Variants in TMC1 observed in about 807,000 individuals in gnomAD.
TMC1 encodes transmembrane channel like 1, also known as transmembrane channel-like protein 1.
Under a neutral mutation model 105.8 loss-of-function variants are expected in TMC1, and 84 were observed. That is an observed-to-expected ratio of 0.79 (90% CI 0.67 to 0.95). TMC1 has a LOEUF of 0.95. TMC1 is among the 40% of genes least tolerant of loss of function. The pLI is 0.00. For synonymous variants in TMC1, 315 were observed against 311.5 expected, an observed-to-expected ratio of 1.01 and a Z score of -0.12; for missense variants, 817 against 914.1, an observed-to-expected ratio of 0.89 and a Z score of 1.37.
At chr9:72,691,482 A>G (rs888258928) in intron 6 of TMC1, among the ~76,000 whole-genome samples, 1 of 152,200 alleles carries the variant, frequency 6.6e-6, no homozygotes, top group Non-Finnish European at 1.5e-5. Context: ...AGTTTCACCA[A>G]TGAGGCAGGC....
intron 5 of TMC1, among the ~76,000 whole-genome samples, chr9:72,665,038 C>T (rs1437242590): frequency 4.6e-5 from 7 of 152,150 alleles, no homozygotes; most frequent in Non-Finnish European, 8.8e-5. Context: ...GCAGTGACTG[C>T]GCAACAGATG....
At chr9:72,719,209 A>G (rs943219484) in intron 8 of TMC1, among the ~76,000 whole-genome samples, 3 of 152,156 alleles carry the variant, frequency 2.0e-5, no homozygotes, top group African/African-American at 7.2e-5. Flanking sequence ...TGGCCAGGAA[A>G]CTTCACATTT....
chr9:72,586,975 G>A (rs147012452), intron 2 of TMC1, among the ~76,000 whole-genome samples: 22 of 152,130 alleles, frequency 1.4e-4, no homozygotes, highest in African/African-American at 5.1e-4. Flanking sequence ...CCATCAACAA[G>A]GGACATTTGG....
intron 2 of TMC1, among the ~76,000 whole-genome samples, chr9:72,606,461 G>A (rs1283815892): frequency 6.6e-6 from 1 of 152,146 alleles, no homozygotes; most frequent in Non-Finnish European, 1.5e-5. Context: ...ACCATACAGG[G>A]GGAACTGGGG....
intron 18 of TMC1, chr9:72,809,050 T>C (rs550010902): frequency 1.3e-5 from 2 of 152,414 alleles, no homozygotes; most frequent in East Asian, 3.9e-4. Context: ...TCCCATTCTT[T>C]GCTATGAGGT....
At chr9:72,537,582 T>C (rs995366488) in intron 1 of TMC1, among the ~76,000 whole-genome samples, 4 of 152,202 alleles carry the variant, frequency 2.6e-5, no homozygotes, top group Non-Finnish European at 4.4e-5. Flanking sequence ...TATTTTGCGA[T>C]GGTTAAGGAC....
chr9:72,545,961 C>T (rs1411610933), intron 1 of TMC1, among the ~76,000 whole-genome samples: 1 of 138,932 alleles, frequency 7.2e-6, no homozygotes, highest in Non-Finnish European at 1.6e-5. Context: ...AAAAAAAAAA[C>T]AAACCTTCAC....
At chr9:72,691,572 G>T (rs905561372) in intron 6 of TMC1, among the ~76,000 whole-genome samples, 2 of 152,150 alleles carry the variant, frequency 1.3e-5, no homozygotes, top group African/African-American at 2.4e-5. Context: ...CAATAAGAGG[G>T]ATTTTTCAGT....
chr9:72,656,095 G>A (rs1825880461), intron 5 of TMC1: 3 of 682,570 alleles, frequency 4.4e-6, no homozygotes, highest in Admixed American at 1.8e-5. Context: ...ACACACCTTC[G>A]CCAGGGATTT....
intron 2 of TMC1, among the ~76,000 whole-genome samples, chr9:72,612,950 A>G (rs1825057250): frequency 6.6e-6 from 1 of 152,166 alleles, no homozygotes; most frequent in African/African-American, 2.4e-5. Context: ...GGTCTTGAAG[A>G]TGTTAAAAAG....
At chr9:72,558,826 C>G (rs994642594) in intron 1 of TMC1, among the ~76,000 whole-genome samples, 7 of 152,118 alleles carry the variant, frequency 4.6e-5, no homozygotes, top group South Asian at 4.2e-4. Context: ...CCCTCCCAAG[C>G]CAACTTTTCT....
chr9:72,539,797 C>A (rs1169296774), intron 1 of TMC1, among the ~76,000 whole-genome samples: 8 of 152,182 alleles, frequency 5.3e-5, no homozygotes, highest in Non-Finnish European at 4.4e-5. Flanking sequence ...TACCAGTATT[C>A]TGACTTTGTC....
chr9:72,738,325 G>A (rs893136700), intron 8 of TMC1, among the ~76,000 whole-genome samples: 1 of 152,106 alleles, frequency 6.6e-6, no homozygotes, highest in Non-Finnish European at 1.5e-5. Context: ...TAGCAGGTGT[G>A]TGCTGTTTTT....
intron 2 of TMC1, among the ~76,000 whole-genome samples, chr9:72,604,817 C>A (rs1038449297): frequency 2.0e-5 from 3 of 152,160 alleles, no homozygotes; most frequent in African/African-American, 7.2e-5. Flanking sequence ...TAAGTAGTGA[C>A]AAGGTGGGAC....
At chr9:72,637,022 G>C (rs1001066624) in intron 4 of TMC1, among the ~76,000 whole-genome samples, 2 of 151,024 alleles carry the variant, frequency 1.3e-5, no homozygotes, top group African/African-American at 2.4e-5. Context: ...ATGCCCTAGA[G>C]AAGCAGCCTA....
chr9:72,628,336 T>C (rs1825386264), intron 4 of TMC1: 1 of 220,814 alleles, frequency 4.5e-6, no homozygotes, highest in South Asian at 5.6e-5. Context: ...ACTTGTGTCA[T>C]CCTCAACTGT....
chr9:72,694,191 A>C (rs1271677883), intron 6 of TMC1, among the ~76,000 whole-genome samples: 1 of 152,190 alleles, frequency 6.6e-6, no homozygotes, highest in East Asian at 1.9e-4. Context: ...GGTAATCTCT[A>C]AACTTGGACT....
intron 12 of TMC1, among the ~76,000 whole-genome samples, chr9:72,756,570 TACC>T (rs1469994901): frequency 6.6e-6 from 1 of 152,210 alleles, no homozygotes; most frequent in Non-Finnish European, 1.5e-5. Context: ...TATGTCCCTT[TACC>T]ACTGTTTTAA....
At chr9:72,796,030 G>T (rs1241758989) in intron 17 of TMC1, among the ~76,000 whole-genome samples, 2 of 151,112 alleles carry the variant, frequency 1.3e-5, no homozygotes, top group East Asian at 3.9e-4. Flanking sequence ...AAAAAAAAAT[G>T]CAAAAAACAA....
Sources: gnomAD v4.1 joint callset for allele counts (sites outside exome capture counted in the v4.1 genomes callset) on GRCh38, gnomAD v4.1.1 for gene constraint, MANE v1.5 for transcripts, NCBI Gene and HGNC (gene_info 2026-07-23, HGNC 2026-07-21) for gene names.